Variants in CCDC85A observed in about 807,000 individuals in gnomAD.
CCDC85A encodes coiled-coil domain containing 85A.
Under a neutral mutation model 50.2 loss-of-function variants are expected in CCDC85A, and 38 were observed. That is an observed-to-expected ratio of 0.76 (90% CI 0.58 to 0.99). The LOEUF is 0.99. CCDC85A is among the 50% of genes least tolerant of loss of function. The pLI is 0.00. For missense variants in CCDC85A, 820 were observed against 742.0 expected, an observed-to-expected ratio of 1.11 and a Z score of -1.22; for synonymous variants, 366 against 301.4, an observed-to-expected ratio of 1.21 and a Z score of -2.22.
At chr2:56,241,630 A>G (rs1669263090) in intron 2 of CCDC85A, among the ~76,000 whole-genome samples, 1 of 152,152 alleles carries the variant, frequency 6.6e-6, no homozygotes, top group Admixed American at 6.6e-5. Context: ...AGTGACCTCC[A>G]ATTCCATCTG....
intron 2 of CCDC85A, 23 bp downstream of exon 2, chr2:56,193,463 G>T: frequency 4.5e-6 from 7 of 1,560,212 alleles, no homozygotes; most frequent in Non-Finnish European, 6.1e-6. Flanking sequence ...GTGCTGGGGT[G>T]CTGCTTGGGC....
At chr2:56,333,291 T>C (rs1165080323) in intron 2 of CCDC85A, among the ~76,000 whole-genome samples, 1 of 151,828 alleles carries the variant, frequency 6.6e-6, no homozygotes, top group Admixed American at 6.6e-5. Context: ...TTGTAAGAGG[T>C]GAGGAAGTTA....
chr2:56,327,320 A>G (rs1179468877), intron 2 of CCDC85A, among the ~76,000 whole-genome samples: 4 of 152,160 alleles, frequency 2.6e-5, no homozygotes, highest in East Asian at 3.9e-4. Flanking sequence ...TTAAAACCCA[A>G]TGATGCTAAT....
At chr2:56,225,220 C>T (rs752273259) in intron 2 of CCDC85A, among the ~76,000 whole-genome samples, 4 of 151,862 alleles carry the variant, frequency 2.6e-5, no homozygotes, top group African/African-American at 9.7e-5. Context: ...GTCAGGAGTT[C>T]GAGATCAGCC....
intron 2 of CCDC85A, among the ~76,000 whole-genome samples, chr2:56,205,094 G>A (rs945871770): frequency 3.3e-5 from 5 of 152,104 alleles, no homozygotes; most frequent in Non-Finnish European, 1.5e-5. Flanking sequence ...ACGTTGCTTA[G>A]TAAGATGGTG....
chr2:56,336,729 CAG>C (rs1176139072), intron 2 of CCDC85A, among the ~76,000 whole-genome samples: 3 of 152,258 alleles, frequency 2.0e-5, no homozygotes, highest in East Asian at 1.9e-4. Flanking sequence ...ATATTTTTAT[CAG>C]AGTGTTTTCA....
intron 2 of CCDC85A, among the ~76,000 whole-genome samples, chr2:56,285,716 CA>C (rs1671413765): frequency 6.6e-6 from 1 of 151,432 alleles, no homozygotes. Flanking sequence ...ATACTATATG[CA>C]TTATGAACCC....
At chr2:56,312,294 A>G (rs1410335069) in intron 2 of CCDC85A, among the ~76,000 whole-genome samples, 1 of 152,130 alleles carries the variant, frequency 6.6e-6, no homozygotes, top group African/African-American at 2.4e-5. Flanking sequence ...AATGTGACCT[A>G]AATTAGAATT....
chr2:56,230,806 C>G (rs947272653), intron 2 of CCDC85A, among the ~76,000 whole-genome samples: 1 of 152,202 alleles, frequency 6.6e-6, no homozygotes, highest in Non-Finnish European at 1.5e-5. Context: ...GTCTGTCTTT[C>G]GTCTCTTGAC....
chr2:56,306,899 C>G (rs1672472098), intron 2 of CCDC85A, among the ~76,000 whole-genome samples: 1 of 151,612 alleles, frequency 6.6e-6, no homozygotes, highest in African/African-American at 2.4e-5. Context: ...TTTTTTTTTT[C>G]TAGCTGTTAC....
rs79792508 is a variant in CCDC85A at position 56,287,421 on chromosome 2, T to A, written c.1241-55458T>A. Reference sequence around the variant, plus strand: ...GGCAGAAAACCAGGGCAAACATGATTTCATCTTGACAGTTTCTCTTCTCTC... The same window carrying A: ...GGCAGAAAACCAGGGCAAACATGATATCATCTTGACAGTTTCTCTTCTCTC... On this transcript the variant is annotated intron_variant, in intron 2 of 5. Transcript: ENST00000407595. Among the ~76,000 whole-genome samples the A allele has an allele frequency of 9.3e-3, 1,418 of 152,300 alleles. 30 individuals are homozygous for A. The highest frequency in any genetic ancestry group is 0.031 in the African/African-American group (1,304 of 41,570).
intron 2 of CCDC85A, among the ~76,000 whole-genome samples, chr2:56,319,941 T>A (rs777402668): frequency 2.6e-5 from 4 of 152,154 alleles, no homozygotes; most frequent in Admixed American, 6.6e-5. Flanking sequence ...AAACTGTCTC[T>A]CAGACCACAG....
chr2:56,377,044 A>G (rs1292299312), intron 5 of CCDC85A, among the ~76,000 whole-genome samples: 1 of 152,226 alleles, frequency 6.6e-6, no homozygotes, highest in Non-Finnish European at 1.5e-5. Context: ...CTCCCTCAGG[A>G]TATTTTGCTT....
chr2:56,307,042 G>C (rs1458109129), intron 2 of CCDC85A, among the ~76,000 whole-genome samples: 2 of 152,080 alleles, frequency 1.3e-5, no homozygotes, highest in Admixed American at 6.6e-5. Flanking sequence ...ATAGAGAGAG[G>C]ATTAAGCATT....
At chr2:56,336,995 T>A (rs950858878) in intron 2 of CCDC85A, among the ~76,000 whole-genome samples, 6 of 152,242 alleles carry the variant, frequency 3.9e-5, no homozygotes, top group African/African-American at 1.4e-4. Flanking sequence ...TGTTTGAATA[T>A]ATTTGACTAG....
intron 2 of CCDC85A, among the ~76,000 whole-genome samples, chr2:56,235,684 A>G (rs1053543615): frequency 1.3e-5 from 2 of 152,232 alleles, no homozygotes; most frequent in African/African-American, 2.4e-5. Context: ...GAGGAAAAAG[A>G]CATGCACAAA....
intron 3 of CCDC85A, among the ~76,000 whole-genome samples, chr2:56,370,225 G>A (rs1193101101): frequency 6.6e-6 from 1 of 152,078 alleles, no homozygotes; most frequent in Non-Finnish European, 1.5e-5. Context: ...CAAGTTTAAC[G>A]ACTGAATTAC....
chr2:56,350,820 A>T lies in CCDC85A; in HGVS notation c.1317+7865A>T, dbSNP rs2193482. On this transcript the variant is annotated intron_variant, in intron 3 of 5. Coordinates refer to ENST00000407595, the MANE Select transcript of CCDC85A (RefSeq NM_001080433.2). ...TTAGTCAGCCATCCTATTGATAGATATTTTTTTTCAGTTTCTTTTTTATTT... is the reference window on the plus strand; with the variant it reads ...TTAGTCAGCCATCCTATTGATAGATTTTTTTTTTCAGTTTCTTTTTTATTT... 4.6e-3 allele frequency among the ~76,000 whole-genome samples: 657 copies of T among 141,562 alleles called. 2 individuals are homozygous for T. The highest frequency in any genetic ancestry group is 0.016 in the African/African-American group (590 of 37,148). 92.9% of individuals were successfully genotyped at this position (141,562 alleles called of 152,430 possible).
intron 2 of CCDC85A, among the ~76,000 whole-genome samples, chr2:56,266,474 T>C (rs565746239): frequency 6.6e-6 from 1 of 152,014 alleles, no homozygotes; most frequent in African/African-American, 2.4e-5. Context: ...TCAGAGGTGA[T>C]TGATATATTA....
Sources: gnomAD v4.1 joint callset for allele counts (sites outside exome capture counted in the v4.1 genomes callset) on GRCh38, gnomAD v4.1.1 for gene constraint, MANE v1.5 for transcripts, NCBI Gene and HGNC (gene_info 2026-07-23, HGNC 2026-07-21) for gene names.